Variants in AKAP12 observed in about 807,000 individuals in gnomAD.
AKAP12 encodes the protein A-kinase anchor protein 12.
AKAP12 carries 32 observed loss-of-function variants against 79.9 expected under a neutral mutation model. That is an observed-to-expected ratio of 0.40 (90% CI 0.30 to 0.54). The LOEUF is 0.54. AKAP12 is among the 20% of genes least tolerant of loss of function. The pLI, the probability that AKAP12 is intolerant of heterozygous loss-of-function variation, is 0.48. For missense variants in AKAP12, 2,074 were observed against 2,177.0 expected, an observed-to-expected ratio of 0.95 and a Z score of 0.94; for synonymous variants, 808 against 857.0, an observed-to-expected ratio of 0.94 and a Z score of 1.00.
At chr6:151,245,188 A>G (rs1038468035) in intron 2 of AKAP12, among the ~76,000 whole-genome samples, 9 of 152,204 alleles carry the variant, frequency 5.9e-5, no homozygotes, top group African/African-American at 2.2e-4. Context: ...GTGCAGGAAA[A>G]CTCAAACTAA....
intron 2 of AKAP12, among the ~76,000 whole-genome samples, chr6:151,287,808 C>G (rs1320889214): frequency 6.6e-6 from 1 of 152,062 alleles, no homozygotes; most frequent in Non-Finnish European, 1.5e-5. Flanking sequence ...AGACTTGGAA[C>G]CAACCCAAAT....
At chr6:151,336,838 G>T (rs1261433248) in intron 3 of AKAP12, among the ~76,000 whole-genome samples, 6 of 152,206 alleles carry the variant, frequency 3.9e-5, no homozygotes, top group Admixed American at 3.3e-4. Context: ...GAATGTTTTT[G>T]TATGTTTCTT....
chr6:151,339,987 C>T (rs1248835456), intron 3 of AKAP12, among the ~76,000 whole-genome samples: 5 of 151,450 alleles, frequency 3.3e-5, no homozygotes, highest in Admixed American at 6.6e-5. Flanking sequence ...AGTGCAGTGG[C>T]GCGATCTCAG....
chr6:151,256,948 C>CTATATATATATA (rs57384016), intron 2 of AKAP12, among the ~76,000 whole-genome samples: 3,618 of 145,786 alleles, frequency 0.025, 98 homozygotes, highest in African/African-American at 0.049. Flanking sequence ...CGCGCCCGGC[C>CTATATATATATA]TATATATATA....
Position 151,320,988 on chromosome 6 carries a change from C to CTT in AKAP12, c.319+15087_319+15088dup, listed in dbSNP as rs567893380. ...AACTGTGGGACATTTTCTTTTCTTTCTTTCTTTTTTTTTTTTGAGAGGGAG... is the reference window on the plus strand; with the variant it reads ...AACTGTGGGACATTTTCTTTTCTTTCTTTTTCTTTTTTTTTTTTGAGAGGGAG... On this transcript the variant is annotated intron_variant, in intron 3 of 4. Transcript: ENST00000402676. Among the ~76,000 whole-genome samples, 26 of 151,384 alleles carry CTT rather than the reference C, an allele frequency of 1.7e-4. No homozygotes were observed. In the East Asian group the frequency reaches 4.6e-3, roughly 27 times the overall value.
At chr6:151,277,390 G>T (rs937314715) in intron 2 of AKAP12, among the ~76,000 whole-genome samples, 6 of 152,198 alleles carry the variant, frequency 3.9e-5, no homozygotes, top group African/African-American at 9.6e-5. Context: ...CCTGGTTCCT[G>T]TCTCTACTCC....
At chr6:151,324,189 A>AAG (rs1458757189) in intron 3 of AKAP12, 1 of 985,262 alleles carries the variant, frequency 1.0e-6, no homozygotes, top group African/African-American at 1.7e-5. Flanking sequence ...AAAGGTTGGG[A>AAG]AGCAGCTCAG....
intron 2 of AKAP12, 23 bp downstream of exon 2, chr6:151,240,747 G>A: frequency 1.6e-6 from 2 of 1,223,620 alleles, no homozygotes; most frequent in Non-Finnish European, 2.0e-6. Flanking sequence ...CGGGCCACCT[G>A]CGCCGGGAGG....
At chr6:151,287,250 T>C (rs1397053098) in intron 2 of AKAP12, among the ~76,000 whole-genome samples, 3 of 151,884 alleles carry the variant, frequency 2.0e-5, no homozygotes, top group African/African-American at 7.3e-5. Flanking sequence ...ATTTTCTTTT[T>C]TTTATTTTGA....
At chr6:151,346,953 G>A (rs1293879354) in intron 3 of AKAP12, among the ~76,000 whole-genome samples, 2 of 152,008 alleles carry the variant, frequency 1.3e-5, no homozygotes, top group Admixed American at 1.3e-4. Context: ...TATCACTCTC[G>A]ATTCATGGAT....
At chr6:151,339,880 A>C (rs1777904178) in intron 3 of AKAP12, among the ~76,000 whole-genome samples, 1 of 151,248 alleles carries the variant, frequency 6.6e-6, no homozygotes, top group South Asian at 2.1e-4. Context: ...AGCTATATAC[A>C]TTTAAGTTCC....
chr6:151,355,237 C>T (rs1778412988), intron 4 of AKAP12, among the ~76,000 whole-genome samples: 1 of 151,864 alleles, frequency 6.6e-6, no homozygotes, highest in African/African-American at 2.4e-5. Flanking sequence ...GATCTGCCCG[C>T]CTCGGCCTCC....
At position 151,353,006 on chromosome 6, in the gene AKAP12, A is replaced by AT; in HGVS notation, c.4619dup (p.Leu1540PhefsTer4). 1 of 1,614,162 alleles carries AT rather than the reference A, an allele frequency of 6.2e-7. No homozygotes were observed. Among genetic ancestry groups the AT allele is most frequent in the Non-Finnish European group, 8.5e-7 (1 of 1,180,042 alleles). Reference sequence around the variant, plus strand: ...TGAGGATTTAGAGCCTGAAAATGGGATTTTGGAACTTGAGACCAAAAGCAG... The same window carrying AT: ...TGAGGATTTAGAGCCTGAAAATGGGATTTTTGGAACTTGAGACCAAAAGCAG... On this transcript the variant is annotated frameshift_variant, in exon 4 of 5. Transcript: ENST00000402676. LOFTEE classifies it low-confidence loss of function (END_TRUNC).
intron 3 of AKAP12, chr6:151,341,710 G>C (rs1438512484): frequency 1.6e-6 from 2 of 1,258,354 alleles, no homozygotes; most frequent in Non-Finnish European, 2.1e-6. Flanking sequence ...GCACCCAAGC[G>C]GCAGTTCGCC....
At position 151,353,336 on chromosome 6, in the gene AKAP12, T is replaced by C. The variant is rs1408665949; in HGVS notation, c.4945T>C (p.Ser1649Pro). The change falls in exon 4 of 5, where the codon TCC becomes CCC. Residue 1649 changes from serine (S) to proline (P), a missense_variant. Physicochemically the swap from Ser to Pro is moderately conservative, Grantham distance 74. Around this residue, in one of 3 missense-constraint regions of AKAP12, gnomAD observed 614 missense variants for 665.6 expected, o/e 0.92. Coordinates refer to ENST00000402676, the MANE Select transcript of AKAP12 (RefSeq NM_005100.4). ...EKTMTVEVEG[S>P]TVNDQQLEEV... ...GACCATGACTGTTGAGGTAGAAGGTTCCACTGTAAATGATCAGCAGCTGGA... is the reference window on the plus strand; with the variant it reads ...GACCATGACTGTTGAGGTAGAAGGTCCCACTGTAAATGATCAGCAGCTGGA... The C allele has an allele frequency of 6.2e-7, 1 of 1,614,066 alleles. No individual in the cohort carries two copies. Among genetic ancestry groups the C allele is most frequent in the Admixed American group, 1.7e-5 (1 of 59,996 alleles).
intron 4 of AKAP12, among the ~76,000 whole-genome samples, chr6:151,354,855 A>C (rs2114836080): frequency 1.3e-5 from 2 of 151,316 alleles, no homozygotes; most frequent in African/African-American, 4.9e-5. Context: ...TAATTGTTAA[A>C]TTTTTTTGCA....
chr6:151,348,680 T>TGGGGGGGCCCCCCCCCCCCCC, intron 3 of AKAP12, 31 bp from the exon 4 acceptor site: 1 of 355,202 alleles, frequency 2.8e-6, no homozygotes, highest in East Asian at 5.8e-5. Flanking sequence ...TTTTCTCTTC[T>TGGGGGGGCCCCCCCCCCCCCC]CCCCACCCCC....
In AKAP12 at chr6:151,267,284, G is replaced by A. The variant is rs563501724; in HGVS notation, c.162+26560G>A. Among the ~76,000 whole-genome samples, 33 of 152,272 alleles carry A rather than the reference G, an allele frequency of 2.2e-4. No individual in the cohort carries two copies. In the South Asian group the frequency reaches 6.6e-3, roughly 31 times the overall value. On this transcript the variant is annotated intron_variant, in intron 2 of 4. Transcript: ENST00000402676. ...ACTGTGAGAAGGTGGTTAATATAGA[G>A]CATTTTGAATAGACTCTTATGCCAT... is the stretch of plus-strand genomic sequence containing the variant.
intron 2 of AKAP12, among the ~76,000 whole-genome samples, chr6:151,273,114 A>G (rs1776223257): frequency 6.6e-6 from 1 of 152,046 alleles, no homozygotes; most frequent in East Asian, 1.9e-4. Context: ...TCACCGTGGT[A>G]GCCAGGATGG....
Sources: gnomAD v4.1 joint callset for allele counts (sites outside exome capture counted in the v4.1 genomes callset) on GRCh38, gnomAD v4.1.1 for gene constraint, gnomAD v4.1.1 regional missense constraint, MANE v1.5 for transcripts, NCBI Gene and HGNC (gene_info 2026-07-23, HGNC 2026-07-21) for gene names.